RNF4: variants seen among roughly 807,000 people sequenced by gnomAD.
RNF4 encodes the protein E3 ubiquitin-protein ligase RNF4.
Under a neutral mutation model 24.3 loss-of-function variants are expected in RNF4, and 7 were observed. The ratio of observed to expected loss-of-function variants is 0.29; its 90% confidence interval spans 0.16 to 0.54. The LOEUF (loss-of-function observed/expected upper bound fraction) is 0.54. Ranked by LOEUF, RNF4 falls within the 20% of genes least tolerant of loss-of-function variation. RNF4 has a pLI of 0.95. For synonymous variants in RNF4, 83 were observed against 84.3 expected, an observed-to-expected ratio of 0.98 and a Z score of 0.09; for missense variants, 209 against 248.5, an observed-to-expected ratio of 0.84 and a Z score of 1.07.
At chr4:2,469,712 G>C (rs1368963885) in intron 1 of RNF4, 1 of 152,308 alleles carries the variant, frequency 6.6e-6, no homozygotes, top group East Asian at 1.9e-4. Flanking sequence ...GGGGTGCGTG[G>C]GCCGCGTGGC....
At chr4:2,496,822 T>G (rs954257590) in intron 2 of RNF4, among the ~76,000 whole-genome samples, 185 bp from the exon 3 acceptor site, 52 of 152,204 alleles carry the variant, frequency 3.4e-4, no homozygotes, top group African/African-American at 1.3e-3. Context: ...ATTTTATGTT[T>G]TGGATGGTTT....
At chr4:2,490,811 A>T (rs1314914593) in intron 2 of RNF4, 1 of 257,424 alleles carries the variant, frequency 3.9e-6, no homozygotes, top group Admixed American at 4.9e-5. Context: ...GCTTTTTAAA[A>T]TTGTTTGTAG....
In RNF4 at chr4:2,475,618, G is replaced by A. The variant is rs146339835; in HGVS notation, c.-158+6360G>A. Among the ~76,000 whole-genome samples the A allele has an allele frequency of 3.3e-5, 5 of 152,310 alleles. No individual in the cohort carries two copies. The East Asian group carries it at 7.7e-4, about 23-fold the overall frequency. ...CTCCCAAAGTGCTGGGATTACAGGC[G>A]TGAGCCACCTCGCCTGGCCCACACC... On this transcript the variant is annotated intron_variant, in intron 1 of 7. Coordinates refer to ENST00000314289, the MANE Select transcript of RNF4 (RefSeq NM_002938.5).
intron 2 of RNF4, among the ~76,000 whole-genome samples, chr4:2,494,373 CTTTTTTTTTTT>C (rs753327529): frequency 2.0e-5 from 2 of 98,226 alleles, no homozygotes; most frequent in East Asian, 2.9e-4. Context: ...CAACTTAGAA[CTTTTTTTTTTT>C]TTTTTTTTTG....
intron 1 of RNF4, among the ~76,000 whole-genome samples, chr4:2,470,302 C>G (rs1734863743): frequency 1.3e-5 from 2 of 152,136 alleles, no homozygotes; most frequent in Non-Finnish European, 1.5e-5. Flanking sequence ...AATTCATTGA[C>G]CAGGAGTTTT....
At chr4:2,495,032 G>C (rs1189285710) in intron 2 of RNF4, among the ~76,000 whole-genome samples, 1 of 152,210 alleles carries the variant, frequency 6.6e-6, no homozygotes, top group Non-Finnish European at 1.5e-5. Flanking sequence ...AAGCAACCTG[G>C]TGGCTGCTGG....
intron 1 of RNF4, among the ~76,000 whole-genome samples, chr4:2,479,176 T>TATTTACCCAATGCCTGC (rs1474966203): frequency 1.3e-5 from 2 of 152,224 alleles, no homozygotes; most frequent in African/African-American, 4.8e-5. Context: ...GGAATGGCTG[T>TATTTACCCAATGCCTGC]ATTTACCCAA....
chr4:2,500,602 GA>G (rs1281912601), intron 3 of RNF4, 56 bp from the exon 4 acceptor site: 3 of 1,554,080 alleles, frequency 1.9e-6, no homozygotes, highest in Non-Finnish European at 2.6e-6. Context: ...AGTGTAGAGG[GA>G]TACAACCTTA....
At chr4:2,508,782 T>C (rs970959053) in intron 4 of RNF4, among the ~76,000 whole-genome samples, 1 of 151,820 alleles carries the variant, frequency 6.6e-6, no homozygotes, top group Non-Finnish European at 1.5e-5. Context: ...CCGGCTAATT[T>C]TGTGTTTTTA....
Position 2,512,048 on chromosome 4 carries a change from G to A in RNF4, c.214+83G>A, listed in dbSNP as rs748574123. 2.3e-5 allele frequency: 32 copies of A among 1,371,810 alleles called. No individual in the cohort carries two copies. The highest frequency in any genetic ancestry group is 1.6e-4 in the African/African-American group (11 of 69,810). 85.0% of individuals were successfully genotyped at this position (1,371,810 alleles called of 1,614,324 possible). On this transcript the variant is annotated intron_variant, in intron 5 of 7. Coordinates refer to ENST00000314289, the MANE Select transcript of RNF4 (RefSeq NM_002938.5). This position sits in a 1 kb window ranked among gnomAD's most constrained non-coding sequence, Gnocchi z 4.1. Reference sequence around the variant, plus strand: ...AGCCGCGGTGCTGCAGGTCTTGCCAGACCATCCCCAAGGGCTTGGAGCGCT... The same window carrying A: ...AGCCGCGGTGCTGCAGGTCTTGCCAAACCATCCCCAAGGGCTTGGAGCGCT...
At chr4:2,499,337 G>C in intron 3 of RNF4, 1 of 448,542 alleles carries the variant, frequency 2.2e-6, no homozygotes, top group Non-Finnish European at 4.5e-6. Flanking sequence ...TGTTGCCCAG[G>C]CTGGGGTGCA....
chr4:2,503,231 C>G (rs770054320), intron 4 of RNF4, among the ~76,000 whole-genome samples: 2 of 152,180 alleles, frequency 1.3e-5, no homozygotes, highest in Non-Finnish European at 2.9e-5. Flanking sequence ...CCTCTCTGAA[C>G]TTCCCTACCT....
In RNF4 at chr4:2,497,049, A is replaced by G; in HGVS notation, c.52A>G (p.Lys18Glu). The G allele has an allele frequency of 1.2e-6, 2 of 1,608,682 alleles. No homozygotes were observed. The highest frequency in any genetic ancestry group is 1.7e-6 in the Non-Finnish European group (2 of 1,177,700). The change falls in exon 3 of 8, where the codon AAG (lysine) becomes GAG (glutamate). Residue 18 changes from lysine to glutamate, a missense_variant. Lys to Glu is a moderately conservative substitution (Grantham distance 56, BLOSUM62 1). Coordinates refer to ENST00000314289, the MANE Select transcript of RNF4 (RefSeq NM_002938.5). ...AGCAATAAATTCTAGACAAGCTCAG[A>G]AGCGAACTCGGGAAGCAACCTCCAC... ...GGAINSRQAQ[K>E]RTREATSTPE...
intron 2 of RNF4, among the ~76,000 whole-genome samples, chr4:2,494,281 T>A (rs767052190): frequency 7.2e-5 from 11 of 152,070 alleles, no homozygotes; most frequent in African/African-American, 2.4e-4. Context: ...ATTTATAACT[T>A]GATGTGTTTA....
At chr4:2,485,282 A>C (rs1338235720) in intron 1 of RNF4, among the ~76,000 whole-genome samples, 1 of 151,942 alleles carries the variant, frequency 6.6e-6, no homozygotes, top group Non-Finnish European at 1.5e-5. Flanking sequence ...GCAGCTGTTC[A>C]CTGCTTCCTC....
At chr4:2,502,882 ACT>A (rs1295321815) in intron 4 of RNF4, among the ~76,000 whole-genome samples, 1 of 151,086 alleles carries the variant, frequency 6.6e-6, no homozygotes, top group African/African-American at 2.4e-5. Flanking sequence ...ACAGGGTCTC[ACT>A]CTGTTGCCCA....
intron 1 of RNF4, among the ~76,000 whole-genome samples, chr4:2,478,333 G>C (rs1392211726): frequency 6.6e-6 from 1 of 152,228 alleles, no homozygotes; most frequent in African/African-American, 2.4e-5. Flanking sequence ...GGAAATTAAA[G>C]CCAGCTGCAG....
At position 2,512,525 on chromosome 4, in the gene RNF4, C is replaced by T. The variant is rs767591412; in HGVS notation, c.302C>T (p.Ser101Phe). 1.2e-6 allele frequency: 2 copies of T among 1,613,880 alleles called. No homozygotes were observed. Among genetic ancestry groups the T allele is most frequent in the South Asian group, 1.1e-5 (1 of 91,072 alleles). The change falls in exon 6 of 8, where the codon TCC becomes TTC. Residue 101 changes from serine (S) to phenylalanine (F), a missense_variant. Ser to Phe is a radical substitution (Grantham distance 155). Transcript: ENST00000314289. This position sits in a 1 kb window ranked among gnomAD's most constrained non-coding sequence, Gnocchi z 4.1. ...GTGAGCAGTGACGATGAGGAGTTGT[C>T]CAGGGACAGAGACGTATATGTGACT... ...CVVSSDDEEL[S>F]RDRDVYVTTH...
Position 2,512,754 on chromosome 4 carries a change from A to G in RNF4, c.374+157A>G, listed in dbSNP as rs1380564110. On this transcript the variant is annotated intron_variant, in intron 6 of 7. Coordinates refer to ENST00000314289, the MANE Select transcript of RNF4 (RefSeq NM_002938.5). The surrounding 1 kb of genome is among the most constrained non-coding windows in gnomAD (Gnocchi z 4.1). ...ACAGTTGGAACTGGGTCCAGAACTGAGTCCAGCTATTCCCACTGTAACCAG... is the reference window on the plus strand; with the variant it reads ...ACAGTTGGAACTGGGTCCAGAACTGGGTCCAGCTATTCCCACTGTAACCAG... Among the ~76,000 whole-genome samples the G allele has an allele frequency of 6.6e-6, 1 of 152,206 alleles. No individual in the cohort carries two copies. The highest frequency in any genetic ancestry group is 1.5e-5 in the Non-Finnish European group (1 of 68,036).
Sources: allele counts gnomAD v4.1 joint callset (sites outside exome capture counted in the v4.1 genomes callset), GRCh38; gene constraint gnomAD v4.1.1; non-coding constraint Gnocchi (gnomAD v3.1); transcripts MANE v1.5; gene names NCBI Gene and HGNC (gene_info 2026-07-23, HGNC 2026-07-21).